The following AUTS2 variants were observed in gnomAD, a reference collection of about 807,000 sequenced individuals.
AUTS2 encodes the protein activator of transcription and developmental regulator AUTS2, also known as autism susceptibility gene 2 protein.
In AUTS2, 17 loss-of-function variants were observed where a neutral mutation model predicts 112.4. The observed-to-expected ratio is 0.15, with a 90% CI of 0.10 to 0.23. AUTS2 has a LOEUF of 0.23. Ranked by LOEUF, AUTS2 falls within the 10% of genes least tolerant of loss-of-function variation. The pLI, the probability that AUTS2 is intolerant of heterozygous loss-of-function variation, is 1.00. For synonymous variants in AUTS2, 751 were observed against 702.7 expected (o/e 1.07, Z -1.09); for missense variants, 1,510 against 1,701.6 (o/e 0.89, Z 1.98).
chr7:70,334,137 T>C (rs1448528985), intron 4 of AUTS2, among the ~76,000 whole-genome samples: 1 of 152,218 alleles, frequency 6.6e-6, no homozygotes, highest in African/African-American at 2.4e-5. Flanking sequence ...TGAATAGCTA[T>C]AGATAAAAGC....
intron 1 of AUTS2, among the ~76,000 whole-genome samples, chr7:69,876,609 A>G (rs568255635): frequency 3.8e-4 from 53 of 139,642 alleles, no homozygotes; most frequent in African/African-American, 1.3e-3. Flanking sequence ...GTGCTGTGGG[A>G]TATTTGATAG....
intron 6 of AUTS2, among the ~76,000 whole-genome samples, chr7:70,751,631 A>G (rs543006374): frequency 1.5e-4 from 23 of 152,220 alleles, no homozygotes; most frequent in Non-Finnish European, 2.6e-4. Context: ...AAATCCATAC[A>G]TGTTTGTTTG....
chr7:70,766,302 A>G lies in AUTS2; in HGVS notation c.1657A>G (p.Thr553Ala). Reference sequence around the variant, plus strand: ...GCCGTTCCCCCACGCCATCCCACCCACCGCCATCATGCCGACGCCAGCACC... The same window carrying G: ...GCCGTTCCCCCACGCCATCCCACCCGCCGCCATCATGCCGACGCCAGCACC... ...FTPFPHAIPP[T>A]AIMPTPAPPM... Residue 553 changes from threonine to alanine, a missense_variant, in exon 9 of 19, where the codon ACC becomes GCC. Transcript: ENST00000342771. The surrounding 1 kb of genome is among the most constrained non-coding windows in gnomAD (Gnocchi z 4.8). 6.2e-7 allele frequency: 1 copy of G among 1,613,736 alleles called. No homozygotes were observed. Among genetic ancestry groups the G allele is most frequent in the East Asian group, 2.2e-5 (1 of 44,850 alleles).
At chr7:70,242,988 A>C (rs891388652) in intron 4 of AUTS2, among the ~76,000 whole-genome samples, 2 of 152,140 alleles carry the variant, frequency 1.3e-5, no homozygotes, top group Non-Finnish European at 2.9e-5. Flanking sequence ...CCACACATTC[A>C]GCATTACTAT....
intron 2 of AUTS2, among the ~76,000 whole-genome samples, chr7:69,901,442 C>T (rs144063959): frequency 4.1e-4 from 63 of 152,288 alleles, no homozygotes; most frequent in Non-Finnish European, 6.0e-4. Context: ...TCTACTTCTT[C>T]GAGACTTTCA....
chr7:70,146,513 T>C (rs1414036808), intron 4 of AUTS2, among the ~76,000 whole-genome samples: 2 of 152,256 alleles, frequency 1.3e-5, no homozygotes, highest in East Asian at 1.9e-4. Flanking sequence ...TCTTGGTTCA[T>C]TTACTGTTTT....
intron 4 of AUTS2, among the ~76,000 whole-genome samples, chr7:70,153,396 G>C (rs1223127060): frequency 6.6e-6 from 1 of 152,136 alleles, no homozygotes; most frequent in Non-Finnish European, 1.5e-5. Flanking sequence ...ACATAAAGTA[G>C]ATCAGTGGTT....
intron 4 of AUTS2, among the ~76,000 whole-genome samples, chr7:70,162,759 G>A (rs142311333): frequency 5.9e-5 from 9 of 152,188 alleles, no homozygotes; most frequent in South Asian, 2.1e-4. Flanking sequence ...AAAAATGTAC[G>A]AAGAAAATGT....
intron 4 of AUTS2, among the ~76,000 whole-genome samples, chr7:70,313,489 A>G (rs1175540429): frequency 2.0e-5 from 3 of 152,230 alleles, no homozygotes; most frequent in Non-Finnish European, 4.4e-5. Context: ...CATGACTACG[A>G]TAGGTGGCAC....
At chr7:69,878,140 G>A (rs1451768692) in intron 1 of AUTS2, among the ~76,000 whole-genome samples, 1 of 152,106 alleles carries the variant, frequency 6.6e-6, no homozygotes, top group African/African-American at 2.4e-5. Flanking sequence ...AGGCAAAGAG[G>A]ATGGTGGTGG....
chr7:69,669,194 T>C (rs1057437889), intron 1 of AUTS2, among the ~76,000 whole-genome samples: 13 of 152,282 alleles, frequency 8.5e-5, no homozygotes, highest in African/African-American at 2.4e-4. Context: ...AAGTAGAAAA[T>C]GTTATCAGTA....
chr7:69,658,928 T>G (rs1269151086), intron 1 of AUTS2, among the ~76,000 whole-genome samples: 1 of 152,198 alleles, frequency 6.6e-6, no homozygotes, highest in Non-Finnish European at 1.5e-5. Flanking sequence ...TTATTATGCT[T>G]TTGCTATTCA....
intron 2 of AUTS2, among the ~76,000 whole-genome samples, chr7:70,033,266 G>C (rs1800861263): frequency 2.0e-5 from 3 of 152,150 alleles, no homozygotes; most frequent in Admixed American, 2.0e-4. Context: ...ATGACCAAAA[G>C]GGGAAAGGTT....
intron 2 of AUTS2, among the ~76,000 whole-genome samples, chr7:70,098,706 C>CT (rs1248247686): frequency 0.018 from 2,539 of 142,560 alleles, 32 homozygotes; most frequent in Middle Eastern, 0.034. Flanking sequence ...TTTTTCTTTT[C>CT]TTTTTTTTTT....
At chr7:70,783,265 G>A (rs1205255049) in intron 15 of AUTS2, 3 of 152,172 alleles carry the variant, frequency 2.0e-5, no homozygotes, top group African/African-American at 4.8e-5. Flanking sequence ...TGGTGGAGGC[G>A]GGGTATCATT....
chr7:69,620,354 A>G (rs1471177695), intron 1 of AUTS2, among the ~76,000 whole-genome samples: 1 of 152,232 alleles, frequency 6.6e-6, no homozygotes, highest in Non-Finnish European at 1.5e-5. Context: ...ACAGCTGTCC[A>G]GGGAATTGGG....
intron 4 of AUTS2, among the ~76,000 whole-genome samples, chr7:70,164,095 A>G (rs2129577838): frequency 6.6e-6 from 1 of 152,332 alleles, no homozygotes. Context: ...AACACTGAGA[A>G]AACCTTTTTG....
chr7:70,535,003 T>C (rs1242637790), intron 5 of AUTS2, among the ~76,000 whole-genome samples: 2 of 147,644 alleles, frequency 1.4e-5, no homozygotes, highest in Non-Finnish European at 3.0e-5. Flanking sequence ...TTTTAAAGTA[T>C]GAATACCATA....
intron 1 of AUTS2, among the ~76,000 whole-genome samples, chr7:69,890,667 A>G (rs909387826): frequency 5.3e-5 from 8 of 151,862 alleles, no homozygotes; most frequent in African/African-American, 1.9e-4. Context: ...CCTCTGAATA[A>G]TAATTGAGAA....
Sources: gnomAD v4.1 joint callset for allele counts (sites outside exome capture counted in the v4.1 genomes callset) on GRCh38, gnomAD v4.1.1 for gene constraint, Gnocchi (gnomAD v3.1) non-coding constraint, MANE v1.5 for transcripts, NCBI Gene and HGNC (gene_info 2026-07-23, HGNC 2026-07-21) for gene names.